The following NT5C2 variants were observed in gnomAD, a reference collection of about 807,000 sequenced individuals.
The protein encoded by NT5C2 is cytosolic purine 5'-nucleotidase.
A neutral mutation model predicts 76.1 loss-of-function variants in NT5C2; 58 were observed. That is an observed-to-expected ratio of 0.76 (90% CI 0.62 to 0.95). The LOEUF (loss-of-function observed/expected upper bound fraction) is 0.95. Among genes scored for constraint, NT5C2 ranks in the 40% least tolerant of loss-of-function variants. The pLI is 0.00. For synonymous variants in NT5C2, 229 were observed against 237.4 expected (o/e 0.96, Z 0.32); for missense variants, 478 against 690.3 (o/e 0.69, Z 3.45).
chr10:103,137,592 T>G (rs1591352278), intron 4 of NT5C2, among the ~76,000 whole-genome samples: 1 of 152,236 alleles, frequency 6.6e-6, no homozygotes, highest in South Asian at 2.1e-4. Context: ...TACTGTTATA[T>G]TAATAGTTCC....
At chr10:103,112,458 T>C (rs1192195101) in intron 4 of NT5C2, among the ~76,000 whole-genome samples, 2 of 152,196 alleles carry the variant, frequency 1.3e-5, no homozygotes, top group Non-Finnish European at 2.9e-5. Context: ...AGTAAGCCAA[T>C]TTATACTCTA....
chr10:103,117,902 TA>T (rs146359857), intron 4 of NT5C2, among the ~76,000 whole-genome samples: 117 of 146,984 alleles, frequency 8.0e-4, no homozygotes, highest in African/African-American at 1.2e-3. Flanking sequence ...GAGCTGGGTT[TA>T]AAAAAAAAAA....
At chr10:103,174,595 A>C (rs2089336222) in intron 3 of NT5C2, among the ~76,000 whole-genome samples, 1 of 152,062 alleles carries the variant, frequency 6.6e-6, no homozygotes, top group Admixed American at 6.6e-5. Flanking sequence ...AAAAAAAGAA[A>C]GAAAAAAAAA....
intron 10 of NT5C2, 55 bp downstream of exon 10, chr10:103,098,876 C>T: frequency 8.3e-7 from 1 of 1,204,456 alleles, no homozygotes; most frequent in Non-Finnish European, 1.2e-6. Flanking sequence ...TTATTAATTT[C>T]CCTAATAGGT....
At chr10:103,132,842 G>A (rs745407844) in intron 4 of NT5C2, among the ~76,000 whole-genome samples, 7 of 151,966 alleles carry the variant, frequency 4.6e-5, no homozygotes, top group East Asian at 1.9e-4. Context: ...GAGCCACCGC[G>A]CCTGGCCGCG....
intron 2 of NT5C2, among the ~76,000 whole-genome samples, chr10:103,177,663 A>T (rs1340210453): frequency 6.6e-6 from 1 of 152,002 alleles, no homozygotes; most frequent in African/African-American, 2.4e-5. Context: ...CTAGAAATAC[A>T]GGTACTCACT....
rs994969842 is a variant in NT5C2, at chr10:103,088,999, CAAAT to C, written c.*669_*672del. On this transcript the variant is annotated 3_prime_UTR_variant, in exon 19 of 19. Coordinates refer to ENST00000404739, the MANE Select transcript of NT5C2 (RefSeq NM_001351169.2). ...TAAGAAGGAGGTTGTTTTTGGATAA[CAAAT>C]AAGCATTTGTGCTATTAAACAAACA... 4.8e-6 allele frequency: 1 copy of C among 210,102 alleles called. No homozygotes were observed. The highest frequency in any genetic ancestry group is 2.3e-5 in the African/African-American group (1 of 44,044). 13.0% of individuals were successfully genotyped at this position (210,102 alleles called of 1,614,324 possible). A position where few individuals can be genotyped will look rare whatever the true frequency, so the allele number is the denominator to read the frequency against.
chr10:103,143,016 A>G (rs1011680067), intron 3 of NT5C2, among the ~76,000 whole-genome samples: 1 of 151,918 alleles, frequency 6.6e-6, no homozygotes, highest in African/African-American at 2.4e-5. Context: ...AGAATAGAAA[A>G]GAGAAAAGAA....
chr10:103,122,914 C>T (rs1425646023), intron 4 of NT5C2, among the ~76,000 whole-genome samples: 1 of 152,184 alleles, frequency 6.6e-6, no homozygotes, highest in African/African-American at 2.4e-5. Context: ...TCATAGAAAA[C>T]ACACAGGTTT....
intron 3 of NT5C2, among the ~76,000 whole-genome samples, chr10:103,169,843 A>T (rs2087423512): frequency 6.6e-6 from 1 of 152,034 alleles, no homozygotes; most frequent in Non-Finnish European, 1.5e-5. Context: ...ATTACCAAGC[A>T]TGGCTAGGCA....
intron 8 of NT5C2, 182 bp downstream of exon 8, chr10:103,100,863 G>A (rs1267751387): frequency 2.9e-6 from 2 of 690,638 alleles, no homozygotes; most frequent in Admixed American, 2.0e-5. Flanking sequence ...CCGTGTGGGA[G>A]GTGAGAGCCT....
intron 4 of NT5C2, among the ~76,000 whole-genome samples, chr10:103,128,210 C>T (rs1024000142): frequency 6.7e-6 from 1 of 149,810 alleles, no homozygotes; most frequent in African/African-American, 2.4e-5. Context: ...CGAGTGCCTG[C>T]CATTGCAGGC....
At chr10:103,102,397 G>C (rs2069967556) in intron 6 of NT5C2, among the ~76,000 whole-genome samples, 1 of 152,166 alleles carries the variant, frequency 6.6e-6, no homozygotes, top group African/African-American at 2.4e-5. Context: ...GTGAATGCCA[G>C]ACATGTGCAT....
chr10:103,094,997 A>G (rs2067851902), intron 12 of NT5C2, among the ~76,000 whole-genome samples: 1 of 136,406 alleles, frequency 7.3e-6, no homozygotes, highest in African/African-American at 2.7e-5. Flanking sequence ...CATTTCATCT[A>G]CTACTAAATT....
Position 103,139,501 on chromosome 10 carries a change from A to G in NT5C2, c.102-22T>C, listed in dbSNP as rs2079970000. 3.5e-6 allele frequency: 5 copies of G among 1,437,654 alleles called. No individual in the cohort carries two copies. The East Asian group carries it at 9.9e-5, about 28-fold the overall frequency. 89.1% of individuals were successfully genotyped at this position (1,437,654 alleles called of 1,614,324 possible). On this transcript the variant is annotated intron_variant, in intron 3 of 18. Coordinates refer to ENST00000404739, the MANE Select transcript of NT5C2 (RefSeq NM_001351169.2). ...CACCCTATAGAAAATAATAAAAAAT[A>G]ATATCTCAACACTGGAAAATAAATT...
At chr10:103,095,338 C>T (rs1333233871) in intron 12 of NT5C2, among the ~76,000 whole-genome samples, 1 of 152,202 alleles carries the variant, frequency 6.6e-6, no homozygotes, top group Admixed American at 6.5e-5. Flanking sequence ...GCACTGCACA[C>T]TGTGATTTCA....
intron 1 of NT5C2, among the ~76,000 whole-genome samples, chr10:103,187,706 A>G (rs1189369137): frequency 2.0e-5 from 3 of 152,188 alleles, no homozygotes; most frequent in African/African-American, 4.8e-5. Context: ...TCTACACACT[A>G]TTATTCTAGC....
chr10:103,134,724 T>G (rs1332820350), intron 4 of NT5C2, among the ~76,000 whole-genome samples: 1 of 152,140 alleles, frequency 6.6e-6, no homozygotes. Context: ...GCTTGCACCG[T>G]GCACCTGGAA....
intron 1 of NT5C2, among the ~76,000 whole-genome samples, chr10:103,186,038 A>T (rs1261350016): frequency 2.0e-5 from 3 of 152,184 alleles, no homozygotes; most frequent in Non-Finnish European, 2.9e-5. Context: ...ACAACCCTAT[A>T]TGTTAGGTAC....
Sources: allele counts gnomAD v4.1 joint callset (sites outside exome capture counted in the v4.1 genomes callset), GRCh38; gene constraint gnomAD v4.1.1; transcripts MANE v1.5; gene names NCBI Gene and HGNC (gene_info 2026-07-23, HGNC 2026-07-21).